The following SKAP2 variants were observed in gnomAD, a reference collection of about 807,000 sequenced individuals.
The protein encoded by SKAP2 is src kinase-associated phosphoprotein 2.
In SKAP2, 28 loss-of-function variants were observed where a neutral mutation model predicts 54.9. The observed-to-expected ratio is 0.51, with a 90% CI of 0.38 to 0.70. The LOEUF (loss-of-function observed/expected upper bound fraction) is 0.70, where lower values mean the gene tolerates loss of function less well. SKAP2 is among the 30% of genes least tolerant of loss of function. The pLI is 0.00. For synonymous variants in SKAP2, 137 were observed against 134.3 expected (o/e 1.02, Z -0.14); for missense variants, 356 against 424.1 (o/e 0.84, Z 1.41).
chr7:26,796,714 T>A (rs1783788772), intron 4 of SKAP2, among the ~76,000 whole-genome samples: 1 of 152,246 alleles, frequency 6.6e-6, no homozygotes. Flanking sequence ...TTAATAACAT[T>A]TCTCTAGCTT....
At chr7:26,690,441 C>A in intron 9 of SKAP2, 79 bp from the exon 10 acceptor site, 1 of 887,500 alleles carries the variant, frequency 1.1e-6, no homozygotes, top group Non-Finnish European at 1.8e-6. Context: ...ATTTTAAAAG[C>A]AAAACTAAAA....
intron 9 of SKAP2, among the ~76,000 whole-genome samples, chr7:26,697,736 A>G (rs552823065): frequency 3.3e-5 from 5 of 152,270 alleles, no homozygotes; most frequent in African/African-American, 1.2e-4. Flanking sequence ...AATAGAGATA[A>G]GCAAAATAAA....
intron 9 of SKAP2, among the ~76,000 whole-genome samples, chr7:26,719,133 C>A (rs887300942): frequency 3.9e-5 from 6 of 152,022 alleles, no homozygotes; most frequent in African/African-American, 1.4e-4. Context: ...CATGAATGCA[C>A]CACTGCACTC....
intron 9 of SKAP2, among the ~76,000 whole-genome samples, chr7:26,697,578 G>A (rs115270268): frequency 0.018 from 2,714 of 151,942 alleles, 78 homozygotes; most frequent in African/African-American, 0.062. Flanking sequence ...AGGAAAGTCT[G>A]AATTCATTTA....
chr7:26,690,141 C>T, intron 10 of SKAP2, 144 bp downstream of exon 10: 1 of 606,696 alleles, frequency 1.6e-6, no homozygotes. Context: ...TGGGACTAAG[C>T]AGCTTATCAG....
intron 4 of SKAP2, among the ~76,000 whole-genome samples, chr7:26,762,360 T>C (rs1182160740): frequency 6.6e-6 from 1 of 152,222 alleles, no homozygotes; most frequent in Non-Finnish European, 1.5e-5. Context: ...CTTTTTGTTC[T>C]ATTGCTAGCT....
At chr7:26,741,057 CA>C (rs1782434341) in intron 4 of SKAP2, among the ~76,000 whole-genome samples, 1 of 152,032 alleles carries the variant, frequency 6.6e-6, no homozygotes, top group African/African-American at 2.4e-5. Context: ...TGAAAACAAC[CA>C]ATCAAAAGAA....
chr7:26,754,857 A>G (rs1425013263), intron 4 of SKAP2, among the ~76,000 whole-genome samples: 1 of 152,216 alleles, frequency 6.6e-6, no homozygotes, highest in Non-Finnish European at 1.5e-5. Context: ...CTGAATCTGT[A>G]GTTTGCTCAT....
At chr7:26,795,583 A>C (rs1202944419) in intron 4 of SKAP2, among the ~76,000 whole-genome samples, 1 of 152,186 alleles carries the variant, frequency 6.6e-6, no homozygotes, top group East Asian at 1.9e-4. Context: ...AGCCACCTCA[A>C]ATCCATTTTG....
chr7:26,751,630 T>G (rs377258239), intron 4 of SKAP2, among the ~76,000 whole-genome samples: 9 of 152,194 alleles, frequency 5.9e-5, no homozygotes, highest in Non-Finnish European at 1.2e-4. Context: ...CACATGTGTA[T>G]GCAATCTTTC....
intron 4 of SKAP2, among the ~76,000 whole-genome samples, chr7:26,764,242 A>C (rs1238657131): frequency 6.6e-6 from 1 of 152,184 alleles, no homozygotes; most frequent in Non-Finnish European, 1.5e-5. Flanking sequence ...GTAACCATCC[A>C]GCAACTAGGT....
chr7:26,687,673 C>CT (rs1250764551), intron 10 of SKAP2, among the ~76,000 whole-genome samples: 1 of 152,048 alleles, frequency 6.6e-6, no homozygotes, highest in African/African-American at 2.4e-5. Context: ...CTCTAGCTTA[C>CT]TTTTTAAAAT....
At chr7:26,823,320 G>A (rs1784420584) in intron 4 of SKAP2, among the ~76,000 whole-genome samples, 1 of 151,530 alleles carries the variant, frequency 6.6e-6, no homozygotes, top group Admixed American at 6.6e-5. Flanking sequence ...TAGCTACTCA[G>A]GAGGCTGAGG....
At chr7:26,732,817 G>A (rs1376194304) in intron 6 of SKAP2, among the ~76,000 whole-genome samples, 2 of 152,246 alleles carry the variant, frequency 1.3e-5, no homozygotes, top group East Asian at 1.9e-4. Context: ...GTGTAGAAGT[G>A]AGACTAGATA....
intron 2 of SKAP2, among the ~76,000 whole-genome samples, chr7:26,854,475 T>C (rs1409574958): frequency 2.0e-5 from 3 of 152,030 alleles, no homozygotes; most frequent in East Asian, 1.9e-4. Flanking sequence ...GTATTTTCTG[T>C]ATATTAAAGT....
At chr7:26,799,094 G>GCAAGGCAAGGCAAGGCAAGA (rs1401053082) in intron 4 of SKAP2, among the ~76,000 whole-genome samples, 1 of 140,968 alleles carries the variant, frequency 7.1e-6, no homozygotes, top group Non-Finnish European at 1.6e-5. Context: ...GCAGGGCAGG[G>GCAAGGCAAGGCAAGGCAAGA]CAAGGCAAGG....
rs751694002 is a variant in SKAP2 at position 26,725,999 on chromosome 7, A to C, written c.595-13T>G. On this transcript the variant is annotated splice_polypyrimidine_tract_variant and intron_variant, in intron 7 of 12. Transcript: ENST00000345317. Reference sequence around the variant, plus strand: ...AAGCTGCTGTAAACTAATATAAAACAAACAGTAAGAACGAAAATCACCATA... The same window carrying C: ...AAGCTGCTGTAAACTAATATAAAACCAACAGTAAGAACGAAAATCACCATA... 1.1e-5 allele frequency: 18 copies of C among 1,578,760 alleles called. 1 individual carries two copies. The South Asian group carries it at 1.9e-4, about 17-fold the overall frequency.
At chr7:26,833,429 A>G (rs1294044220) in intron 4 of SKAP2, among the ~76,000 whole-genome samples, 1 of 151,554 alleles carries the variant, frequency 6.6e-6, no homozygotes, top group African/African-American at 2.4e-5. Flanking sequence ...AGACTGGCAG[A>G]TTGGATAAAG....
At chr7:26,791,206 G>A (rs28733208) in intron 4 of SKAP2, among the ~76,000 whole-genome samples, 32,596 of 152,086 alleles carry the variant, frequency 0.21, 3,580 homozygotes, top group Non-Finnish European at 0.24. Flanking sequence ...TTTTATTTCT[G>A]TAATACCAAA....
Sources: gnomAD v4.1 joint callset for allele counts (sites outside exome capture counted in the v4.1 genomes callset) on GRCh38, gnomAD v4.1.1 for gene constraint, MANE v1.5 for transcripts, NCBI Gene and HGNC (gene_info 2026-07-23, HGNC 2026-07-21) for gene names.